The following DTNA variants were observed in gnomAD, a reference collection of about 807,000 sequenced individuals.
DTNA encodes the protein dystrophin-related protein 3.
In DTNA, 43 loss-of-function variants were observed where a neutral mutation model predicts 100.7. The observed-to-expected ratio is 0.43, with a 90% CI of 0.33 to 0.55. DTNA has a LOEUF of 0.55. DTNA is among the 20% of genes least tolerant of loss of function. The pLI, the probability that DTNA is intolerant of heterozygous loss-of-function variation, is 0.04. For missense variants in DTNA, 798 were observed against 953.9 expected, an observed-to-expected ratio of 0.84 and a Z score of 2.15; for synonymous variants, 349 against 347.9, an observed-to-expected ratio of 1.00 and a Z score of -0.04.
intron 3 of DTNA, among the ~76,000 whole-genome samples, chr18:34,766,363 T>A (rs2093467667): frequency 6.6e-6 from 1 of 152,188 alleles, no homozygotes; most frequent in Non-Finnish European, 1.5e-5. Flanking sequence ...TTCTCTAACC[T>A]TGGTATCATA....
intron 11 of DTNA, among the ~76,000 whole-genome samples, chr18:34,837,011 A>G (rs1358827419): frequency 6.6e-6 from 1 of 152,102 alleles, no homozygotes; most frequent in Non-Finnish European, 1.5e-5. Context: ...AGTTTTTAAG[A>G]TTTTAACTAA....
Position 34,844,555 on chromosome 18 carries a change from A to AACTAATAATGCTTTCTCAAGT in DTNA, c.1347-3735_1347-3734insAATGCTTTCTCAAGTACTAAT, listed in dbSNP as rs139792130. Among the ~76,000 whole-genome samples the AACTAATAATGCTTTCTCAAGT allele has an allele frequency of 5.8e-3, 878 of 152,104 alleles. 6 individuals are homozygous for AACTAATAATGCTTTCTCAAGT. The highest frequency in any genetic ancestry group is 0.02 in the African/African-American group (834 of 41,478). On this transcript the variant is annotated intron_variant, in intron 13 of 22. Transcript: ENST00000444659. ...AATAAAGCAATCTTCCATTTGAGTTAACTAATCCTCTTAATAGAAGAGTAG... is the reference window on the plus strand; with the variant it reads ...AATAAAGCAATCTTCCATTTGAGTTAACTAATAATGCTTTCTCAAGTACTAATCCTCTTAATAGAAGAGTAG...
rs563619580 is a variant in DTNA at position 34,784,754 on chromosome 18, A to G, written c.149-9283A>G. Among the ~76,000 whole-genome samples the G allele has an allele frequency of 3.3e-5, 5 of 152,288 alleles. No individual in the cohort carries two copies. The East Asian group carries it at 9.6e-4, about 29-fold the overall frequency. ...TGTTAAATCACCAATAACATCAACC[A>G]TAATGCATTGTAGAGCCTTAAAAAT... On this transcript the variant is annotated intron_variant, in intron 3 of 22. Coordinates refer to ENST00000444659, the MANE Select transcript of DTNA (RefSeq NM_001386795.1).
chr18:34,847,772 G>T (rs1251053719), intron 13 of DTNA, among the ~76,000 whole-genome samples: 3 of 152,172 alleles, frequency 2.0e-5, no homozygotes, highest in Non-Finnish European at 4.4e-5. Context: ...TCTTGGAAGT[G>T]ACATTCCATT....
At chr18:34,874,160 A>T (rs576681148) in intron 17 of DTNA, among the ~76,000 whole-genome samples, 3 of 152,360 alleles carry the variant, frequency 2.0e-5, no homozygotes, top group Non-Finnish European at 4.4e-5. Context: ...CAAATATCTA[A>T]ATGGAATATT....
In DTNA at chr18:34,634,739, C is replaced by CA. The variant is rs555879549; in HGVS notation, c.-1-121233dup. 1.1e-4 allele frequency among the ~76,000 whole-genome samples: 16 copies of CA among 152,156 alleles called. No individual in the cohort carries two copies. In the South Asian group the frequency reaches 3.3e-3, roughly 32 times the overall value. ...ACAAATATAAATTGTATACTATATACAAAATGTTGTTTTGAAATATGTAGA... is the reference window on the plus strand; with the variant it reads ...ACAAATATAAATTGTATACTATATACAAAAATGTTGTTTTGAAATATGTAGA... On this transcript the variant is annotated intron_variant, in intron 1 of 19. Coordinates refer to the DTNA transcript ENST00000283365.
At chr18:34,835,094 A>G (rs1988140606) in intron 11 of DTNA, among the ~76,000 whole-genome samples, 1 of 152,150 alleles carries the variant, frequency 6.6e-6, no homozygotes, top group Non-Finnish European at 1.5e-5. Flanking sequence ...TTCATCATGC[A>G]TTTGGCCTCC....
chr18:34,654,733 ATT>A (rs879267874), intron 1 of DTNA, among the ~76,000 whole-genome samples: 1 of 147,040 alleles, frequency 6.8e-6, no homozygotes, highest in South Asian at 2.2e-4. Flanking sequence ...TCTGTAAATA[ATT>A]TTTTTTTTTT....
At position 34,510,661 on chromosome 18, in the gene DTNA, A is replaced by G. The variant is rs78672555; in HGVS notation, c.-2+17147A>G. On this transcript the variant is annotated intron_variant, in intron 1 of 19. Transcript: ENST00000283365. ...TTTTTTTTTGGTGCTTCTCAAATATATTTCAAGGACCACCTGCATCAGAAT... is the reference window on the plus strand; with the variant it reads ...TTTTTTTTTGGTGCTTCTCAAATATGTTTCAAGGACCACCTGCATCAGAAT... 0.01 allele frequency among the ~76,000 whole-genome samples: 1,300 copies of G among 129,970 alleles called. 61 individuals carry two copies. In the East Asian group the frequency reaches 0.15, roughly 15 times the overall value. 85.3% of individuals were successfully genotyped at this position (129,970 alleles called of 152,430 possible).
chr18:34,790,142 C>T (rs2094653679), intron 3 of DTNA, among the ~76,000 whole-genome samples: 1 of 152,196 alleles, frequency 6.6e-6, no homozygotes, highest in Admixed American at 6.5e-5. Context: ...AGTCAAAAGA[C>T]ATTTACCAAG....
At chr18:34,864,155 G>A (rs921318361) in intron 17 of DTNA, 93 bp downstream of exon 17, 1 of 1,104,138 alleles carries the variant, frequency 9.1e-7, no homozygotes, top group Middle Eastern at 2.4e-4. Flanking sequence ...TCCAATTGCT[G>A]TATGTGATTT....
chr18:34,530,341 C>G (rs970873418), intron 1 of DTNA, among the ~76,000 whole-genome samples: 5 of 152,092 alleles, frequency 3.3e-5, no homozygotes, highest in Admixed American at 6.6e-5. Context: ...TGTTCATGCT[C>G]CATCATTCTA....
chr18:34,719,771 A>G (rs1216709175), intron 1 of DTNA, among the ~76,000 whole-genome samples: 1 of 152,190 alleles, frequency 6.6e-6, no homozygotes, highest in African/African-American at 2.4e-5. Context: ...GTGTAAAGAA[A>G]GCTTTGTTTA....
Position 34,751,751 on chromosome 18 carries a change from A to T in DTNA, c.-1-4225A>T, listed in dbSNP as rs141217782. 2.0e-3 allele frequency among the ~76,000 whole-genome samples: 302 copies of T among 152,314 alleles called. 1 individual carries two copies. The highest frequency in any genetic ancestry group is 6.7e-3 in the African/African-American group (278 of 41,566). On this transcript the variant is annotated intron_variant, in intron 1 of 22. Coordinates refer to ENST00000444659, the MANE Select transcript of DTNA (RefSeq NM_001386795.1). ...CCAGAAATAAACTACTACATCTTAC[A>T]GTACATATTTTCATTATGGTACATA... is the stretch of plus-strand genomic sequence containing the variant.
intron 11 of DTNA, 100 bp downstream of exon 11, chr18:34,829,589 T>C: frequency 2.4e-6 from 3 of 1,238,756 alleles, no homozygotes; most frequent in Non-Finnish European, 3.2e-6. Flanking sequence ...ATAGTACGTC[T>C]TATTGGAGAT....
At position 34,877,757 on chromosome 18, in the gene DTNA, G is replaced by A; in HGVS notation, c.1942G>A (p.Ala648Thr). 1 of 1,613,900 alleles carries A rather than the reference G, an allele frequency of 6.2e-7. No homozygotes were observed. The highest frequency in any genetic ancestry group is 8.5e-7 in the Non-Finnish European group (1 of 1,179,912). Residue 648 changes from alanine (A) to threonine (T), a missense_variant, in exon 19 of 23, where the codon GCA (alanine) becomes ACA (threonine). By Grantham distance (58) the Ala-to-Thr change is moderately conservative. Around this residue, in one of 6 missense-constraint regions of DTNA, gnomAD observed 242 missense variants for 238.2 expected, o/e 1.02. Coordinates refer to ENST00000444659, the MANE Select transcript of DTNA (RefSeq NM_001386795.1). ...CTTAAGGAATGACTTGCTAGTGGCT[G>A]CAGATTCCATCACTAACACTATGTC... is the stretch of plus-strand genomic sequence containing the variant. ...RNLRNDLLVA[A>T]DSITNTMSSL...
At chr18:34,551,684 T>C (rs544698667) in intron 1 of DTNA, among the ~76,000 whole-genome samples, 5 of 152,282 alleles carry the variant, frequency 3.3e-5, no homozygotes, top group Admixed American at 1.3e-4. Flanking sequence ...TCTAGAGTTT[T>C]AGGCTGAACA....
intron 1 of DTNA, among the ~76,000 whole-genome samples, chr18:34,570,860 G>A (rs1468011435): frequency 6.6e-6 from 1 of 152,116 alleles, no homozygotes; most frequent in Non-Finnish European, 1.5e-5. Flanking sequence ...CAGGTTGGAA[G>A]CTTTGAGTGG....
intron 1 of DTNA, among the ~76,000 whole-genome samples, chr18:34,494,349 TCCGGGCC>T (rs2144314030): frequency 9.7e-6 from 1 of 103,428 alleles, no homozygotes; most frequent in Admixed American, 1.2e-4. Flanking sequence ...GGGAGTGGGC[TCCGGGCC>T]CCGGGGACGG....
Sources: allele counts gnomAD v4.1 joint callset (sites outside exome capture counted in the v4.1 genomes callset), GRCh38; gene constraint gnomAD v4.1.1; regional missense constraint gnomAD v4.1.1; transcripts MANE v1.5; gene names NCBI Gene and HGNC (gene_info 2026-07-23, HGNC 2026-07-21).